The following RBM41 variants were observed in gnomAD, a reference collection of about 807,000 sequenced individuals.
RBM41 encodes RNA binding motif protein 41.
A neutral mutation model predicts 30.8 loss-of-function variants in RBM41; 14 were observed. The ratio of observed to expected loss-of-function variants is 0.45; its 90% CI spans 0.30 to 0.71. RBM41 has a LOEUF of 0.71. RBM41 is among the 30% of genes least tolerant of loss of function. RBM41 has a pLI of 0.08. For missense variants in RBM41, 276 were observed against 326.3 expected (o/e 0.85, Z 1.19); for synonymous variants, 120 against 110.1 (o/e 1.09, Z -0.56).
chrX:107,065,830 T>G lies in RBM41; in HGVS notation c.*1697A>C. On this transcript the variant is annotated 3_prime_UTR_variant, in exon 8 of 8. Coordinates refer to ENST00000685964, the MANE Select transcript of RBM41 (RefSeq NM_001324242.2). ...ATGCAACTATATACATATTGTTTTA[T>G]ACAACTGTGTTTTACATTAGTTAAG... 2 of 1,005,308 alleles carry G rather than the reference T, an allele frequency of 2.0e-6. No homozygotes were observed. Among genetic ancestry groups the G allele is most frequent in the Non-Finnish European group, 2.6e-6 (2 of 767,552 alleles). 82.8% of individuals were successfully genotyped at this position (1,005,308 alleles called of 1,213,427 possible). A position where few individuals can be genotyped will look rare whatever the true frequency, so the allele number is the denominator to read the frequency against.
At chrX:107,087,790 G>A (rs1343924872) in intron 6 of RBM41, among the ~76,000 whole-genome samples, 1 of 111,681 alleles carries the variant, frequency 9.0e-6, no homozygotes, top group Non-Finnish European at 1.9e-5. Flanking sequence ...TTTTAGTAGA[G>A]ATGGGGTTTT....
At position 107,115,851 on chromosome X, in the gene RBM41, AC is replaced by A. The variant is rs1374029345; in HGVS notation, c.318+10del. ...AGAAAAACCAACAAAAAAAAACATT[AC>A]CCCACTCACCTTTTCACCAGAAACA... On this transcript the variant is annotated intron_variant, in intron 3 of 7. Coordinates refer to ENST00000685964, the MANE Select transcript of RBM41 (RefSeq NM_001324242.2). 1.7e-6 allele frequency: 2 copies of A among 1,158,509 alleles called. No homozygotes were observed. Among genetic ancestry groups the A allele is most frequent in the Non-Finnish European group, 2.3e-6 (2 of 869,080 alleles).
At chrX:107,118,115 A>G in intron 1 of RBM41, among the ~76,000 whole-genome samples, 1 of 110,852 alleles carries the variant, frequency 9.0e-6, no homozygotes, top group East Asian at 2.8e-4. Context: ...AAGCCCGTCA[A>G]TAGTTAGGAG....
intron 6 of RBM41, among the ~76,000 whole-genome samples, chrX:107,082,392 C>A (rs184389615): frequency 9.0e-6 from 1 of 111,439 alleles, no homozygotes; most frequent in Non-Finnish European, 1.9e-5. Flanking sequence ...TATTTTTATA[C>A]ATTATTGAAT....
In RBM41 at chrX:107,115,489, G is replaced by A. The variant is rs138528528; in HGVS notation, c.386C>T (p.Ser129Leu). 8.8e-5 allele frequency: 107 copies of A among 1,209,994 alleles called. 1 individual carries two copies. The Admixed American group carries it at 1.0e-3, about 12-fold the overall frequency. ...NRLQDIEERI[S>L]ERQRILCLPQ... ...CAGGCAAAGAATGCGCTGACGCTCC[G>A]AGATCCTTTCTTCAATATCTTGAAG... Residue 129 changes from serine (S) to leucine (L), a missense_variant, in exon 4 of 8, where the codon TCG becomes TTG. Ser to Leu is a moderately radical substitution (Grantham distance 145). Transcript: ENST00000685964.
chrX:107,061,911 T>A lies in RBM41; in HGVS notation c.*5616A>T, dbSNP rs770037906. Among the ~76,000 whole-genome samples, 4 of 112,447 alleles carry A rather than the reference T, an allele frequency of 3.6e-5. No individual in the cohort carries two copies. The South Asian group carries it at 1.5e-3, about 41-fold the overall frequency. ...TTTTCTTTCCTCCATAAAAATAACA[T>A]TTATTTAAAAAAATTACACACAGTA... On this transcript the variant is annotated 3_prime_UTR_variant, in exon 8 of 8. Coordinates refer to ENST00000685964, the MANE Select transcript of RBM41 (RefSeq NM_001324242.2).
In RBM41 at chrX:107,065,797, G is replaced by T; in HGVS notation, c.*1730C>A. On this transcript the variant is annotated 3_prime_UTR_variant, in exon 8 of 8. Transcript: ENST00000685964. Reference sequence around the variant, plus strand: ...ATATATTATATTTTATACGTTATAGGCCAAACGATGCAACTATATACATAT... The same window carrying T: ...ATATATTATATTTTATACGTTATAGTCCAAACGATGCAACTATATACATAT... 1 of 1,122,986 alleles carries T rather than the reference G, an allele frequency of 8.9e-7. No homozygotes were observed. The allele number at this position is 1,122,986 out of a possible 1,213,427, so 92.5% of individuals were successfully genotyped here.
rs1473091806 is a variant in RBM41 at position 107,067,461 on chromosome X, C to T, written c.*66G>A. 6.2e-6 allele frequency: 7 copies of T among 1,129,721 alleles called. No homozygotes were observed. The highest frequency in any genetic ancestry group is 5.4e-5 in the Admixed American group (2 of 36,699). The allele number at this position is 1,129,721 out of a possible 1,213,427, so 93.1% of individuals were successfully genotyped here. A position where few individuals can be genotyped will look rare whatever the true frequency, so the allele number is the denominator to read the frequency against. ...AACTCCAAACAAACTGGTGTCTATA[C>T]ATAAATCCTAGATCCAAGATTCCAA... is the stretch of plus-strand genomic sequence containing the variant. On this transcript the variant is annotated 3_prime_UTR_variant, in exon 8 of 8. Coordinates refer to ENST00000685964, the MANE Select transcript of RBM41 (RefSeq NM_001324242.2).
chrX:107,057,722 A>G (rs1173226794), downstream of RBM41, among the ~76,000 whole-genome samples: 1 of 112,070 alleles, frequency 8.9e-6, no homozygotes, highest in African/African-American at 3.2e-5. Context: ...AACAAATGGG[A>G]TTATATTAAA....
At chrX:107,098,135 T>A (rs917210271) in intron 5 of RBM41, among the ~76,000 whole-genome samples, 2 of 111,989 alleles carry the variant, frequency 1.8e-5, no homozygotes, top group Non-Finnish European at 3.8e-5. Flanking sequence ...ACAGAAAATG[T>A]ACTGAAAGTC....
At chrX:107,077,372 A>T (rs756868711) in intron 6 of RBM41, among the ~76,000 whole-genome samples, 2 of 111,158 alleles carry the variant, frequency 1.8e-5, no homozygotes, top group South Asian at 7.7e-4. Context: ...ACCTCAGGTG[A>T]TCCACCCGCC....
chrX:107,110,628 A>T (rs1250793069), intron 5 of RBM41, among the ~76,000 whole-genome samples: 1 of 111,536 alleles, frequency 9.0e-6, no homozygotes, highest in African/African-American at 3.2e-5. Context: ...ACCAATCCCC[A>T]AATATCCAAA....
intron 6 of RBM41, among the ~76,000 whole-genome samples, chrX:107,074,574 TA>T (rs917970576): frequency 2.7e-5 from 3 of 111,768 alleles, no homozygotes; most frequent in Non-Finnish European, 5.7e-5. Flanking sequence ...AGTTGCAGAA[TA>T]AAAAATCAAC....
Position 107,103,639 on chromosome X carries a change from C to CAG in RBM41, c.595+9757_595+9758insCT, listed in dbSNP as rs200269418. Among the ~76,000 whole-genome samples, 63 of 111,864 alleles carry CAG rather than the reference C, an allele frequency of 5.6e-4. No individual in the cohort carries two copies. In the East Asian group the frequency reaches 0.014, roughly 25 times the overall value. ...ACTAATACAGTAATTATAGAAAACT[C>CAG]TTCTAAGAATTGTGCTGTAGAAAGG... On this transcript the variant is annotated intron_variant, in intron 5 of 7. Transcript: ENST00000685964.
At position 107,062,490 on chromosome X, in the gene RBM41, C is replaced by T. The variant is rs1240802779; in HGVS notation, c.*5037G>A. Among the ~76,000 whole-genome samples, 2 of 111,243 alleles carry T rather than the reference C, an allele frequency of 1.8e-5. No individual in the cohort carries two copies. The highest frequency in any genetic ancestry group is 3.8e-5 in the Non-Finnish European group (2 of 53,022). On this transcript the variant is annotated 3_prime_UTR_variant, in exon 8 of 8. Coordinates refer to ENST00000685964, the MANE Select transcript of RBM41 (RefSeq NM_001324242.2). ...TTTATTCCTTGTCACTTAACTATGT[C>T]TGAAATTAGAGTGTTAATCCTAAGT...
At chrX:107,055,307 T>C in the RBM41 span, among the ~76,000 whole-genome samples, 1 of 112,080 alleles carries the variant, frequency 8.9e-6, no homozygotes, top group African/African-American at 3.2e-5. Flanking sequence ...CAACAAACGC[T>C]AGAGTACAAG....
intron 5 of RBM41, among the ~76,000 whole-genome samples, chrX:107,102,123 A>G (rs758926558): frequency 3.0e-4 from 33 of 111,803 alleles, no homozygotes; most frequent in Non-Finnish European, 4.9e-4. Context: ...GAAGGAAATG[A>G]TGAACATGTT....
Position 107,067,410 on chromosome X carries a change from C to T in RBM41, c.*117G>A. The T allele has an allele frequency of 9.2e-7, 1 of 1,091,842 alleles. No homozygotes were observed. Among genetic ancestry groups the T allele is most frequent in the East Asian group, 3.0e-5 (1 of 32,793 alleles). 90.0% of individuals were successfully genotyped at this position (1,091,842 alleles called of 1,213,427 possible). On this transcript the variant is annotated 3_prime_UTR_variant, in exon 8 of 8. Transcript: ENST00000685964. Reference sequence around the variant, plus strand: ...CCAAAAGCTGAAATTACTTTTTTCCCCTCCCTCAGTTAGTTTTTCCTCTTC... The same window carrying T: ...CCAAAAGCTGAAATTACTTTTTTCCTCTCCCTCAGTTAGTTTTTCCTCTTC...
intron 5 of RBM41, among the ~76,000 whole-genome samples, chrX:107,108,334 TG>T (rs1323980033): frequency 3.6e-5 from 4 of 111,625 alleles, no homozygotes; most frequent in African/African-American, 1.3e-4. Flanking sequence ...GACTTGTTTG[TG>T]GGTAAGATGA....
Sources: allele counts gnomAD v4.1 joint callset (sites outside exome capture counted in the v4.1 genomes callset), GRCh38; gene constraint gnomAD v4.1.1; transcripts MANE v1.5; gene names NCBI Gene and HGNC (gene_info 2026-07-23, HGNC 2026-07-21).